The following MTMR8 variants were observed in gnomAD, a reference collection of about 807,000 sequenced individuals.
MTMR8 encodes the protein phosphatidylinositol-3,5-bisphosphate 3-phosphatase MTMR8.
In MTMR8, 65 loss-of-function variants were observed where a neutral mutation model predicts 39.3. The observed-to-expected ratio is 1.65, with a 90% CI of 1.35 to 2.03. The LOEUF (loss-of-function observed/expected upper bound fraction) is 2.03. Among genes scored for constraint, MTMR8 ranks in the 30% most tolerant of loss-of-function variants. The pLI is 0.00. For missense variants in MTMR8, 777 were observed against 538.9 expected (o/e 1.44, Z -4.37); for synonymous variants, 245 against 185.2 (o/e 1.32, Z -2.62).
At chrX:64,283,769 T>A (rs1219502937) in intron 12 of MTMR8, among the ~76,000 whole-genome samples, 1 of 112,664 alleles carries the variant, frequency 8.9e-6, no homozygotes, top group East Asian at 2.8e-4. Flanking sequence ...TTGTCCTGAC[T>A]GTTAAAAGGA....
intron 12 of MTMR8, among the ~76,000 whole-genome samples, chrX:64,321,437 A>G (rs1255890289): frequency 8.9e-6 from 1 of 112,368 alleles, no homozygotes; most frequent in Non-Finnish European, 1.9e-5. Context: ...ACAATAATTG[A>G]AATGAAAAAC....
chrX:64,284,601 C>T (rs1483689663), intron 12 of MTMR8, among the ~76,000 whole-genome samples: 3 of 111,836 alleles, frequency 2.7e-5, no homozygotes, highest in African/African-American at 9.8e-5. Context: ...ACAAAGGGAA[C>T]CCCATCACAC....
intron 8 of MTMR8, among the ~76,000 whole-genome samples, chrX:64,341,327 A>G (rs1425026795): frequency 1.8e-5 from 2 of 110,405 alleles, no homozygotes; most frequent in Non-Finnish European, 3.8e-5. Context: ...AAAAATACAA[A>G]AATTAGTCAG....
At chrX:64,270,823 T>G in intron 13 of MTMR8, 124 bp downstream of exon 13, 3 of 752,037 alleles carry the variant, frequency 4.0e-6, no homozygotes, top group Admixed American at 4.0e-5. Context: ...ACGGGACACA[T>G]GAAAAGCCAA....
intron 2 of MTMR8, among the ~76,000 whole-genome samples, chrX:64,358,878 CAT>C (rs1048275283): frequency 2.8e-5 from 3 of 107,034 alleles, no homozygotes; most frequent in South Asian, 4.1e-4. Flanking sequence ...CACACACACA[CAT>C]ATATATATAC....
At chrX:64,277,334 T>G (rs755081861) in intron 12 of MTMR8, among the ~76,000 whole-genome samples, 1 of 112,325 alleles carries the variant, frequency 8.9e-6, no homozygotes, top group African/African-American at 3.2e-5. Flanking sequence ...GATTTCTTCA[T>G]AGTGCTGATG....
Position 64,359,351 on chromosome X carries a change from A to G in MTMR8, c.147+54T>C, listed in dbSNP as rs763889712. On this transcript the variant is annotated intron_variant, in intron 2 of 13. Transcript: ENST00000374852. ...AATTTCAAGAAACTACCATATAGAG[A>G]GCATGTATGCACAACTCTTTAAGAC... is the stretch of plus-strand genomic sequence containing the variant. 6.3e-6 allele frequency: 7 copies of G among 1,114,738 alleles called. No individual in the cohort carries two copies. The South Asian group carries it at 1.6e-4, about 26-fold the overall frequency. 91.9% of individuals were successfully genotyped at this position (1,114,738 alleles called of 1,213,427 possible). A position where few individuals can be genotyped will look rare whatever the true frequency, so the allele number is the denominator to read the frequency against.
chrX:64,299,869 T>A (rs1254585365), intron 12 of MTMR8, among the ~76,000 whole-genome samples: 94 of 86,339 alleles, frequency 1.1e-3, no homozygotes, highest in Middle Eastern at 5.4e-3. Context: ...GGTTGTTCAG[T>A]TTCCATGTAG....
At chrX:64,305,771 T>G in intron 12 of MTMR8, 1 of 411,824 alleles carries the variant, frequency 2.4e-6, no homozygotes, top group Non-Finnish European at 4.6e-6. Flanking sequence ...CTGAAAGCAT[T>G]TCCTGTATGG....
At chrX:64,293,862 T>A (rs1298366629) in intron 12 of MTMR8, among the ~76,000 whole-genome samples, 1 of 111,960 alleles carries the variant, frequency 8.9e-6, no homozygotes, top group African/African-American at 3.2e-5. Context: ...TGATTCTGGT[T>A]GTACCCCTGA....
chrX:64,270,756 C>A (rs1406804196), intron 13 of MTMR8, among the ~76,000 whole-genome samples, 191 bp downstream of exon 13: 1 of 111,510 alleles, frequency 9.0e-6, no homozygotes, highest in Non-Finnish European at 1.9e-5. Context: ...AGTTGAGTGA[C>A]ATATTTACCA....
intron 12 of MTMR8, among the ~76,000 whole-genome samples, chrX:64,311,119 A>T (rs902307013): frequency 1.7e-4 from 19 of 111,938 alleles, no homozygotes; most frequent in African/African-American, 5.8e-4. Flanking sequence ...TCCCACCAAC[A>T]GTGTAAAAGC....
intron 2 of MTMR8, among the ~76,000 whole-genome samples, chrX:64,357,150 C>T (rs1386169221): frequency 1.8e-5 from 2 of 111,554 alleles, no homozygotes; most frequent in Non-Finnish European, 3.8e-5. Context: ...GCCATATAAT[C>T]ATGGTTTTGC....
At chrX:64,350,905 A>G (rs1923471143) in intron 4 of MTMR8, among the ~76,000 whole-genome samples, 1 of 111,468 alleles carries the variant, frequency 9.0e-6, no homozygotes, top group Non-Finnish European at 1.9e-5. Context: ...ACTAAAGAAC[A>G]CCCCCAAACA....
At chrX:64,323,905 C>T (rs1922720284) in intron 12 of MTMR8, among the ~76,000 whole-genome samples, 1 of 112,265 alleles carries the variant, frequency 8.9e-6, no homozygotes, top group African/African-American at 3.2e-5. Context: ...CCTTGGGACA[C>T]AGCTAATGCA....
At chrX:64,377,894 T>C (rs1025145211) in intron 1 of MTMR8, among the ~76,000 whole-genome samples, 8 of 112,080 alleles carry the variant, frequency 7.1e-5, no homozygotes, top group African/African-American at 2.6e-4. Context: ...AATTGGATCA[T>C]GGGGCAGACT....
rs775776753 is a variant in MTMR8 at position 64,293,167 on chromosome X, G to T, written c.1482-22094C>A. On this transcript the variant is annotated intron_variant, in intron 12 of 13. Transcript: ENST00000374852. ...TTGTCTAACGACTTATTTCTCAGGA[G>T]GGCGCCTGATAAGTGTAAGTCCTCT... Among the ~76,000 whole-genome samples, 3 of 111,513 alleles carry T rather than the reference G, an allele frequency of 2.7e-5. No individual in the cohort carries two copies. The South Asian group carries it at 1.2e-3, about 43-fold the overall frequency.
At chrX:64,355,784 A>G (rs749412733) in intron 3 of MTMR8, among the ~76,000 whole-genome samples, 2 of 111,042 alleles carry the variant, frequency 1.8e-5, no homozygotes, top group East Asian at 5.7e-4. Context: ...TAGGGGTGGA[A>G]ATCGTGGGCC....
intron 2 of MTMR8, 55 bp downstream of exon 2, chrX:64,359,350 G>C: frequency 5.4e-6 from 6 of 1,111,880 alleles, no homozygotes; most frequent in Non-Finnish European, 7.2e-6. Flanking sequence ...ACCATATAGA[G>C]AGCATGTATG....
Sources: gnomAD v4.1 joint callset for allele counts (sites outside exome capture counted in the v4.1 genomes callset) on GRCh38, gnomAD v4.1.1 for gene constraint, MANE v1.5 for transcripts, NCBI Gene and HGNC (gene_info 2026-07-23, HGNC 2026-07-21) for gene names.